ALPK1: variants seen among roughly 807,000 people sequenced by gnomAD.
ALPK1 encodes the protein alpha kinase 1, also known as alpha-protein kinase 1.
ALPK1 carries 110 observed loss-of-function variants against 120.6 expected under a neutral mutation model. The observed-to-expected ratio is 0.91, with a 90% CI of 0.78 to 1.07. ALPK1 has a LOEUF of 1.07. Among genes scored for constraint, ALPK1 ranks in the 50% least tolerant of loss-of-function variants. ALPK1 has a pLI of 0.00. For synonymous variants in ALPK1, 582 were observed against 560.3 expected (o/e 1.04, Z -0.55); for missense variants, 1,498 against 1,483.9 (o/e 1.01, Z -0.16).
chr4:112,390,058 C>A (rs1398431961), intron 4 of ALPK1, among the ~76,000 whole-genome samples: 5 of 152,212 alleles, frequency 3.3e-5, no homozygotes, highest in African/African-American at 1.2e-4. Flanking sequence ...CTTCTCCATG[C>A]ACAGAGGTGT....
At chr4:112,378,444 T>C (rs922820819) in intron 3 of ALPK1, among the ~76,000 whole-genome samples, 18 of 152,220 alleles carry the variant, frequency 1.2e-4, no homozygotes, top group African/African-American at 4.1e-4. Flanking sequence ...TTTTAAGAAT[T>C]TGGCTTTTTG....
At position 112,412,004 on chromosome 4, in the gene ALPK1, G is replaced by A. The variant is rs532284879; in HGVS notation, c.454G>A (p.Ala152Thr). ...PIAPQVVIRQ[A>T]RISVNSGKLL... ...TGCCCCGCAGGTGGTTATTCGCCAA[G>A]CCCGAATCTCCGTGAACTCAGGTAT... Residue 152 changes from alanine (A) to threonine (T), a missense_variant, in exon 5 of 16, where the codon GCC becomes ACC. Ala to Thr is a moderately conservative substitution (Grantham distance 58). Transcript: ENST00000650871. The A allele has an allele frequency of 5.6e-6, 9 of 1,614,104 alleles. No homozygotes were observed. In the African/African-American group the frequency reaches 9.3e-5, roughly 17 times the overall value.
At chr4:112,310,629 A>T (rs1483303304) in intron 1 of ALPK1, among the ~76,000 whole-genome samples, 1 of 152,082 alleles carries the variant, frequency 6.6e-6, no homozygotes, top group African/African-American at 2.4e-5. Flanking sequence ...TTTTAATATG[A>T]TACATTGACT....
intron 4 of ALPK1, among the ~76,000 whole-genome samples, chr4:112,393,976 A>T (rs939017730): frequency 3.3e-5 from 5 of 152,118 alleles, no homozygotes; most frequent in Non-Finnish European, 7.4e-5. Context: ...ATTGAGTACA[A>T]GTTATTTCTC....
chr4:112,366,199 G>C (rs1398485221), intron 2 of ALPK1, among the ~76,000 whole-genome samples: 1 of 151,944 alleles, frequency 6.6e-6, no homozygotes, highest in Admixed American at 6.6e-5. Context: ...CAAAAACAAA[G>C]ATAAATAAAT....
At chr4:112,345,422 C>A (rs1490134283) in intron 2 of ALPK1, among the ~76,000 whole-genome samples, 1 of 152,146 alleles carries the variant, frequency 6.6e-6, no homozygotes, top group Non-Finnish European at 1.5e-5. Context: ...ACACAGTAAG[C>A]AGATACTCCA....
Position 112,417,777 on chromosome 4 carries a change from T to G in ALPK1, c.475+5752T>G, listed in dbSNP as rs968039403. ...CTGGGATTATAGGCATGAGTCACCG[T>G]GCCTGGCTGATAGTTAAGTATTTTT... On this transcript the variant is annotated intron_variant, in intron 5 of 15. Coordinates refer to ENST00000650871, the MANE Select transcript of ALPK1 (RefSeq NM_025144.4). Among the ~76,000 whole-genome samples, 4 of 152,224 alleles carry G rather than the reference T, an allele frequency of 2.6e-5. No homozygotes were observed. The East Asian group carries it at 7.7e-4, about 29-fold the overall frequency.
In ALPK1 at chr4:112,432,378, G is replaced by C. The variant is rs761874405; in HGVS notation, c.2831G>C (p.Gly944Ala). The change falls in exon 11 of 16, where the codon GGG (glycine) becomes GCG (alanine). Residue 944 changes from glycine (G) to alanine (A), a missense_variant. Physicochemically the swap from Gly to Ala is moderately conservative, Grantham distance 60 (BLOSUM62 0). Transcript: ENST00000650871. ...GCATTTTCCAGTGGTTCTTCTGAGG[G>C]GGACAGCCCTTGGTCCTATCTGAAT... The part of the protein sequence containing the change: ...SPAFSSGSSE[G>A]DSPWSYLNSS... The C allele has an allele frequency of 2.0e-5, 33 of 1,614,050 alleles. No individual in the cohort carries two copies. Among genetic ancestry groups the C allele is most frequent in the Non-Finnish European group, 2.7e-5 (32 of 1,180,042 alleles).
intron 2 of ALPK1, among the ~76,000 whole-genome samples, chr4:112,350,415 A>T (rs184693722): frequency 3.3e-4 from 51 of 152,294 alleles, no homozygotes; most frequent in African/African-American, 1.2e-3. Flanking sequence ...TATCACACCA[A>T]CATCGGGACC....
Position 112,307,248 on chromosome 4 carries a change from G to C in ALPK1, c.-152-8553G>C, listed in dbSNP as rs185628397. Among the ~76,000 whole-genome samples, 310 of 152,098 alleles carry C rather than the reference G, an allele frequency of 2.0e-3. 5 individuals are homozygous for C. The Middle Eastern group carries it at 0.071, about 35-fold the overall frequency. On this transcript the variant is annotated intron_variant, in intron 1 of 15. Coordinates refer to ENST00000650871, the MANE Select transcript of ALPK1 (RefSeq NM_025144.4). ...TTCTGTTGATTTGGGGTGGAGAGTTGTGTAGATGTCTATTAGGTCCGCTTG... is the reference window on the plus strand; with the variant it reads ...TTCTGTTGATTTGGGGTGGAGAGTTCTGTAGATGTCTATTAGGTCCGCTTG...
At chr4:112,382,674 C>A in intron 4 of ALPK1, 122 bp downstream of exon 4, 1 of 1,370,756 alleles carries the variant, frequency 7.3e-7, no homozygotes, top group Non-Finnish European at 1.0e-6. Context: ...ATGCTCAGCT[C>A]TGCCAGATTG....
intron 2 of ALPK1, among the ~76,000 whole-genome samples, chr4:112,328,250 G>C (rs952744811): frequency 4.6e-5 from 7 of 152,384 alleles, no homozygotes; most frequent in East Asian, 1.9e-4. Flanking sequence ...CATGCCCACT[G>C]TTGTGGGACT....
intron 5 of ALPK1, among the ~76,000 whole-genome samples, chr4:112,415,594 G>A (rs1469161397): frequency 1.3e-5 from 2 of 151,094 alleles, no homozygotes; most frequent in East Asian, 3.9e-4. Context: ...CTGAGATCAT[G>A]CCATTGCACT....
At chr4:112,351,138 G>A (rs745472946) in intron 2 of ALPK1, among the ~76,000 whole-genome samples, 2 of 152,116 alleles carry the variant, frequency 1.3e-5, no homozygotes, top group Admixed American at 6.5e-5. Context: ...GAGTATGAGC[G>A]GCAGCCTCTG....
intron 2 of ALPK1, among the ~76,000 whole-genome samples, chr4:112,341,327 G>A (rs1370918487): frequency 3.9e-5 from 6 of 152,206 alleles, no homozygotes; most frequent in East Asian, 1.9e-4. Flanking sequence ...TCTGCTGCTC[G>A]TTAGGCCTTG....
At chr4:112,356,819 G>A in intron 2 of ALPK1, 1 of 727,520 alleles carries the variant, frequency 1.4e-6, no homozygotes, top group South Asian at 1.3e-5. Flanking sequence ...TTAGTTGTTG[G>A]ATGCCAAGAG....
chr4:112,423,586 G>A (rs1022249381), intron 5 of ALPK1: 7 of 380,426 alleles, frequency 1.8e-5, no homozygotes, highest in East Asian at 1.4e-4. Flanking sequence ...TCCTGTCCAC[G>A]GGCAACTCTA....
chr4:112,348,985 TCAGA>T, intron 2 of ALPK1, among the ~76,000 whole-genome samples: 1 of 152,190 alleles, frequency 6.6e-6, no homozygotes, highest in African/African-American at 2.4e-5. Flanking sequence ...CTCTGACACC[TCAGA>T]CAGAGGCAGG....
chr4:112,306,197 G>T (rs975383753), intron 1 of ALPK1, among the ~76,000 whole-genome samples: 2 of 151,782 alleles, frequency 1.3e-5, no homozygotes, highest in African/African-American at 2.4e-5. Context: ...CAGGGATATT[G>T]GTCTAAAATT....
Sources: allele counts gnomAD v4.1 joint callset (sites outside exome capture counted in the v4.1 genomes callset), GRCh38; gene constraint gnomAD v4.1.1; transcripts MANE v1.5; gene names NCBI Gene and HGNC (gene_info 2026-07-23, HGNC 2026-07-21).